Variants in DOCK2 observed in about 807,000 individuals in gnomAD.
DOCK2 encodes dedicator of cytokinesis 2, also known as dedicator of cytokinesis protein 2.
In DOCK2, 87 loss-of-function variants were observed where a neutral mutation model predicts 248.9. The observed-to-expected ratio is 0.35, with a 90% CI of 0.29 to 0.42. The LOEUF is 0.42. Among genes scored for constraint, DOCK2 ranks in the 10% least tolerant of loss-of-function variants. DOCK2 has a pLI of 1.00. For missense variants in DOCK2, 1,747 were observed against 2,300.2 expected, an observed-to-expected ratio of 0.76 and a Z score of 4.92; for synonymous variants, 805 against 821.6, an observed-to-expected ratio of 0.98 and a Z score of 0.35.
chr5:169,792,907 G>A (rs891940888), intron 25 of DOCK2, among the ~76,000 whole-genome samples: 2 of 152,188 alleles, frequency 1.3e-5, no homozygotes, highest in Non-Finnish European at 2.9e-5. Context: ...GCATTTCTAA[G>A]GAGCTGGATT....
intron 27 of DOCK2, among the ~76,000 whole-genome samples, chr5:169,915,281 G>A (rs194224): frequency 0.43 from 65,270 of 152,028 alleles, 15,562 homozygotes; most frequent in African/African-American, 0.65. Flanking sequence ...ATTATTACCA[G>A]TTTTAAAGTT....
chr5:169,716,132 A>G (rs111623311), intron 19 of DOCK2, 81 bp from the exon 20 acceptor site: 14 of 1,225,066 alleles, frequency 1.1e-5, no homozygotes, highest in African/African-American at 5.9e-5. Flanking sequence ...ATTCTCTTAT[A>G]GATAGTTAGG....
intron 32 of DOCK2, among the ~76,000 whole-genome samples, chr5:170,009,537 A>T (rs1755204289): frequency 6.6e-6 from 1 of 152,186 alleles, no homozygotes; most frequent in Non-Finnish European, 1.5e-5. Flanking sequence ...GGGTGGATGG[A>T]TGAACGAACA....
chr5:169,969,706 G>T (rs530260982), intron 27 of DOCK2, among the ~76,000 whole-genome samples: 2 of 152,120 alleles, frequency 1.3e-5, no homozygotes, highest in African/African-American at 4.8e-5. Context: ...GAACTAGGTG[G>T]GGTGACCAAC....
chr5:170,018,531 T>A (rs1321854653), intron 32 of DOCK2, among the ~76,000 whole-genome samples: 1 of 152,248 alleles, frequency 6.6e-6, no homozygotes, highest in Non-Finnish European at 1.5e-5. Flanking sequence ...CAAATTTTGC[T>A]TTTCTCATTT....
intron 27 of DOCK2, among the ~76,000 whole-genome samples, chr5:169,841,743 A>G (rs1769988766): frequency 1.3e-5 from 2 of 152,188 alleles, no homozygotes; most frequent in African/African-American, 2.4e-5. Flanking sequence ...TCCATCCACT[A>G]AAAGTCATAC....
At chr5:169,845,412 C>G (rs543473094) in intron 27 of DOCK2, among the ~76,000 whole-genome samples, 1 of 152,216 alleles carries the variant, frequency 6.6e-6, no homozygotes, top group Admixed American at 6.5e-5. Context: ...AGTGGACCCC[C>G]CGAGGTCAGG....
In DOCK2 at chr5:169,840,818, C is replaced by G. The variant is rs1385874098; in HGVS notation, c.2765C>G (p.Thr922Arg). 3.7e-6 allele frequency: 6 copies of G among 1,613,904 alleles called. No homozygotes were observed. The highest frequency in any genetic ancestry group is 5.1e-6 in the Non-Finnish European group (6 of 1,179,986). The change falls in exon 27 of 52, where the codon ACA becomes AGA. Residue 922 changes from threonine (T) to arginine (R), a missense_variant. Thr to Arg is a moderately conservative substitution (Grantham distance 71). Coordinates refer to ENST00000520908, the MANE Select transcript of DOCK2 (RefSeq NM_004946.3). ...MVQLLRTVNR[T>R]VITMGRDHIL... is the part of the protein sequence containing the mutation. ...CAGCTGCTGCGGACAGTGAACCGGA[C>G]AGTCATCACCATGGGCCGGGATCAC...
At chr5:169,810,293 A>G (rs1343177266) in intron 26 of DOCK2, among the ~76,000 whole-genome samples, 3 of 151,982 alleles carry the variant, frequency 2.0e-5, no homozygotes, top group Non-Finnish European at 2.9e-5. Context: ...GGTTGAATTA[A>G]TCACACTCCT....
chr5:169,946,245 G>A (rs1776443297), intron 27 of DOCK2, among the ~76,000 whole-genome samples: 1 of 152,206 alleles, frequency 6.6e-6, no homozygotes, highest in Non-Finnish European at 1.5e-5. Flanking sequence ...GACTGCCACA[G>A]TGAAGAAAGC....
intron 27 of DOCK2, among the ~76,000 whole-genome samples, chr5:169,898,561 C>CA (rs2113568622): frequency 6.7e-6 from 1 of 148,562 alleles, no homozygotes; most frequent in South Asian, 2.1e-4. Context: ...ACAACAACAA[C>CA]ACACACCGGA....
chr5:169,689,349 C>T lies in DOCK2; in HGVS notation c.843+16C>T, dbSNP rs775624785. 1.2e-6 allele frequency: 2 copies of T among 1,613,528 alleles called. No homozygotes were observed. The highest frequency in any genetic ancestry group is 2.2e-5 in the South Asian group (2 of 91,006). ...GGTCTTCACGGTGAGTGTGCACCCT[C>T]TTCTCGTTACCGTGCTCCCCAACCA... On this transcript the variant is annotated intron_variant, in intron 9 of 51. Transcript: ENST00000520908.
At chr5:170,010,381 C>T (rs1755239887) in intron 32 of DOCK2, among the ~76,000 whole-genome samples, 1 of 152,106 alleles carries the variant, frequency 6.6e-6, no homozygotes, top group Non-Finnish European at 1.5e-5. Context: ...TTTACCATTG[C>T]TTTGCAATGG....
chr5:170,018,918 C>G (rs747385340), intron 32 of DOCK2, 42 bp from the exon 33 acceptor site: 1 of 1,602,206 alleles, frequency 6.2e-7, no homozygotes, highest in Non-Finnish European at 8.5e-7. Flanking sequence ...ACCTGTGCGT[C>G]GCCGAACTGT....
At chr5:169,703,283 C>T (rs1364923522) in intron 14 of DOCK2, among the ~76,000 whole-genome samples, 3 of 152,118 alleles carry the variant, frequency 2.0e-5, no homozygotes, top group Non-Finnish European at 4.4e-5. Context: ...GTCCTTGGGG[C>T]CTGGAGATCA....
chr5:169,672,620 C>A (rs1348626503), intron 5 of DOCK2, among the ~76,000 whole-genome samples: 1 of 152,190 alleles, frequency 6.6e-6, no homozygotes, highest in African/African-American at 2.4e-5. Flanking sequence ...CAGTTCAACG[C>A]TGACTACCCA....
chr5:169,790,380 G>C (rs1314864959), intron 25 of DOCK2, among the ~76,000 whole-genome samples: 3 of 152,168 alleles, frequency 2.0e-5, no homozygotes, highest in Non-Finnish European at 4.4e-5. Flanking sequence ...GTTGCAAACA[G>C]AAATTAAAAA....
At chr5:169,945,960 G>T (rs898772225) in intron 27 of DOCK2, among the ~76,000 whole-genome samples, 2 of 152,156 alleles carry the variant, frequency 1.3e-5, no homozygotes, top group African/African-American at 4.8e-5. Flanking sequence ...ACATGAGCAG[G>T]CCAGGCAGGC....
At chr5:169,867,525 T>A (rs1229568724) in intron 27 of DOCK2, among the ~76,000 whole-genome samples, 1 of 152,212 alleles carries the variant, frequency 6.6e-6, no homozygotes, top group African/African-American at 2.4e-5. Flanking sequence ...CTATCTATCA[T>A]CTATCATCTA....
Sources: gnomAD v4.1 joint callset for allele counts (sites outside exome capture counted in the v4.1 genomes callset) on GRCh38, gnomAD v4.1.1 for gene constraint, MANE v1.5 for transcripts, NCBI Gene and HGNC (gene_info 2026-07-23, HGNC 2026-07-21) for gene names.